Variants in NDST4 observed in about 807,000 individuals in gnomAD.
NDST4 encodes the protein N-heparan sulfate sulfotransferase 4.
A neutral mutation model predicts 100.8 loss-of-function variants in NDST4; 63 were observed. That is an observed-to-expected ratio of 0.62 (90% CI 0.51 to 0.77). NDST4 has a LOEUF of 0.77. NDST4 is among the 30% of genes least tolerant of loss of function. The pLI is 0.00. For missense variants in NDST4, 943 were observed against 1,018.4 expected (o/e 0.93, Z 1.01); for synonymous variants, 377 against 361.8 (o/e 1.04, Z -0.48).
intron 2 of NDST4, among the ~76,000 whole-genome samples, chr4:115,026,168 T>C (rs1727980005): frequency 1.3e-5 from 2 of 152,234 alleles, no homozygotes; most frequent in South Asian, 4.1e-4. Flanking sequence ...TAATTTTCTA[T>C]AGTATAAGAA....
chr4:114,953,885 CT>C (rs1262518849), intron 4 of NDST4, among the ~76,000 whole-genome samples: 80 of 152,214 alleles, frequency 5.3e-4, no homozygotes, highest in African/African-American at 1.9e-3. Flanking sequence ...TAAAAGAATA[CT>C]TTTAAACTGC....
chr4:114,932,156 G>A (rs2126223963), intron 6 of NDST4, among the ~76,000 whole-genome samples: 1 of 151,902 alleles, frequency 6.6e-6, no homozygotes, highest in Admixed American at 6.6e-5. Flanking sequence ...ACAATCATGT[G>A]GGATTTATTC....
chr4:114,859,455 G>C (rs1489623145), intron 7 of NDST4, among the ~76,000 whole-genome samples: 1 of 152,180 alleles, frequency 6.6e-6, no homozygotes, highest in Non-Finnish European at 1.5e-5. Context: ...AAATGTGTCT[G>C]GTTGGAGTGA....
intron 4 of NDST4, among the ~76,000 whole-genome samples, chr4:114,938,522 C>T (rs1560821604): frequency 6.6e-6 from 1 of 152,142 alleles, no homozygotes; most frequent in Admixed American, 6.5e-5. Flanking sequence ...AGGATTGAAT[C>T]TCATCAATTG....
At chr4:115,091,984 TC>T (rs1312728217) in intron 1 of NDST4, among the ~76,000 whole-genome samples, 1 of 152,122 alleles carries the variant, frequency 6.6e-6, no homozygotes, top group Non-Finnish European at 1.5e-5. Context: ...AATGCAAACA[TC>T]GAGATGATTA....
intron 6 of NDST4, among the ~76,000 whole-genome samples, chr4:114,914,881 G>A (rs543653727): frequency 7.2e-5 from 11 of 152,048 alleles, no homozygotes; most frequent in Non-Finnish European, 1.2e-4. Flanking sequence ...TCGTGCTATC[G>A]CCAGGCAGGG....
intron 2 of NDST4, among the ~76,000 whole-genome samples, chr4:114,982,110 T>A (rs1342447984): frequency 1.3e-5 from 2 of 152,186 alleles, no homozygotes; most frequent in East Asian, 3.8e-4. Flanking sequence ...TTTACAGCAG[T>A]GTAAGAATGA....
At chr4:114,999,091 G>A (rs1578441934) in intron 2 of NDST4, among the ~76,000 whole-genome samples, 1 of 152,066 alleles carries the variant, frequency 6.6e-6, no homozygotes, top group Non-Finnish European at 1.5e-5. Context: ...GGTACATGAT[G>A]CATATTTGTT....
intron 4 of NDST4, among the ~76,000 whole-genome samples, chr4:114,959,078 C>A (rs1242952155): frequency 6.6e-6 from 1 of 152,050 alleles, no homozygotes; most frequent in Non-Finnish European, 1.5e-5. Flanking sequence ...AAAATCACCT[C>A]TATTACAGTT....
intron 2 of NDST4, among the ~76,000 whole-genome samples, chr4:115,071,049 G>A (rs1339442361): frequency 1.3e-5 from 2 of 151,938 alleles, no homozygotes; most frequent in Non-Finnish European, 2.9e-5. Context: ...AGGTTGTAAT[G>A]AGCTGAGTTT....
chr4:115,027,663 C>G lies in NDST4; in HGVS notation c.978+48396G>C, dbSNP rs77874365. Among the ~76,000 whole-genome samples the G allele has an allele frequency of 3.4e-3, 520 of 152,166 alleles. 3 individuals are homozygous for G. The highest frequency in any genetic ancestry group is 4.1e-3 in the Non-Finnish European group (277 of 67,982). ...TATATCCTGATTGATTTTGTAATTT[C>G]ATACGTACTGTATTTTGGTATCCTG... On this transcript the variant is annotated intron_variant, in intron 2 of 13. Transcript: ENST00000264363.
At chr4:114,945,862 T>C (rs1263985297) in intron 4 of NDST4, among the ~76,000 whole-genome samples, 2 of 151,208 alleles carry the variant, frequency 1.3e-5, no homozygotes, top group African/African-American at 4.9e-5. Context: ...GTAATGACTA[T>C]GTGACCCTGG....
intron 2 of NDST4, among the ~76,000 whole-genome samples, chr4:114,989,742 G>C: frequency 6.6e-6 from 1 of 152,240 alleles, no homozygotes; most frequent in Non-Finnish European, 1.5e-5. Flanking sequence ...TAGTAAAGCA[G>C]GAAGAAAGTG....
At chr4:115,017,611 T>C (rs1727706391) in intron 2 of NDST4, among the ~76,000 whole-genome samples, 1 of 152,068 alleles carries the variant, frequency 6.6e-6, no homozygotes, top group South Asian at 2.1e-4. Flanking sequence ...TCCTTTGCCA[T>C]AGAATTCACT....
At chr4:114,952,167 T>C (rs1472466645) in intron 4 of NDST4, among the ~76,000 whole-genome samples, 1 of 152,064 alleles carries the variant, frequency 6.6e-6, no homozygotes, top group Non-Finnish European at 1.5e-5. Context: ...TTACCAAAAA[T>C]AATAATAACA....
intron 1 of NDST4, among the ~76,000 whole-genome samples, chr4:115,096,477 T>C (rs551976495): frequency 1.6e-4 from 24 of 152,146 alleles, no homozygotes; most frequent in African/African-American, 5.1e-4. Context: ...TTCTATTTCA[T>C]AGAGAGCACA....
At chr4:114,858,534 G>C (rs1207497867) in intron 7 of NDST4, among the ~76,000 whole-genome samples, 6 of 152,128 alleles carry the variant, frequency 3.9e-5, no homozygotes, top group African/African-American at 1.4e-4. Flanking sequence ...ATACAGTTGA[G>C]GTACCAGCTT....
chr4:115,047,304 A>G (rs1431689482), intron 2 of NDST4, among the ~76,000 whole-genome samples: 1 of 152,084 alleles, frequency 6.6e-6, no homozygotes, highest in Non-Finnish European at 1.5e-5. Flanking sequence ...ATAGAAATTA[A>G]TGTAGTAATT....
At chr4:114,993,556 A>AGAAT (rs1449872638) in intron 2 of NDST4, among the ~76,000 whole-genome samples, 1 of 151,942 alleles carries the variant, frequency 6.6e-6, no homozygotes, top group Non-Finnish European at 1.5e-5. Flanking sequence ...TTTTTGTTGG[A>AGAAT]GAATATATGT....
Sources: gnomAD v4.1 joint callset for allele counts (sites outside exome capture counted in the v4.1 genomes callset) on GRCh38, gnomAD v4.1.1 for gene constraint, MANE v1.5 for transcripts, NCBI Gene and HGNC (gene_info 2026-07-23, HGNC 2026-07-21) for gene names.